COP1: variants seen among roughly 807,000 people sequenced by gnomAD.
COP1 encodes COP1 E3 ubiquitin ligase.
COP1 carries 24 observed loss-of-function variants against 101.3 expected under a neutral mutation model. The observed-to-expected ratio is 0.24, with a 90% confidence interval of 0.17 to 0.33. The LOEUF (loss-of-function observed/expected upper bound fraction) is 0.33. Ranked by LOEUF, COP1 falls within the 10% of genes least tolerant of loss-of-function variation. The probability of loss-of-function intolerance (pLI) is 1.00; values close to 1 mark genes in which losing one functional copy is unlikely to be tolerated. For missense variants in COP1, 663 were observed against 906.2 expected, an observed-to-expected ratio of 0.73 and a Z score of 3.45; for synonymous variants, 347 against 341.9, an observed-to-expected ratio of 1.01 and a Z score of -0.17.
chr1:175,951,433 C>T (rs1436119666), intron 18 of COP1, among the ~76,000 whole-genome samples: 3 of 46,544 alleles, frequency 6.4e-5, no homozygotes, highest in Non-Finnish European at 4.0e-5. Flanking sequence ...ATATAAGATA[C>T]GTGAATATAT....
chr1:176,168,692 G>A (rs1298676303), intron 3 of COP1: 2 of 322,274 alleles, frequency 6.2e-6, no homozygotes, highest in South Asian at 4.7e-5. Flanking sequence ...GATCAGGAGA[G>A]GGAAAGAGAG....
intron 9 of COP1, among the ~76,000 whole-genome samples, chr1:176,109,374 T>C (rs1684892417): frequency 6.6e-6 from 1 of 152,176 alleles, no homozygotes; most frequent in Non-Finnish European, 1.5e-5. Context: ...CCCAACACCA[T>C]GCATTTAATC....
intron 18 of COP1, among the ~76,000 whole-genome samples, chr1:175,974,922 C>CAAAAAAAAAAAAAAAAAAAACAAAAAAA (rs1654147349): frequency 1.1e-5 from 1 of 91,292 alleles, no homozygotes; most frequent in Non-Finnish European, 2.2e-5. Context: ...GACCCTGTCT[C>CAAAAAAAAAAAAAAAAAAAACAAAAAAA]AAAAAAAAAA....
intron 8 of COP1, among the ~76,000 whole-genome samples, chr1:176,123,765 T>C (rs1489714726): frequency 6.6e-6 from 1 of 152,182 alleles, no homozygotes. Context: ...AGTTATAAAA[T>C]GTTTGTGTTG....
At chr1:176,038,368 A>G (rs537374085) in intron 14 of COP1, among the ~76,000 whole-genome samples, 2 of 152,338 alleles carry the variant, frequency 1.3e-5, no homozygotes, top group East Asian at 3.9e-4. Context: ...TCTCAGCAGG[A>G]TTTTATGTAG....
rs373114048 is a variant in COP1, at chr1:175,973,707, G to GA, written c.2133+13235dup. Among the ~76,000 whole-genome samples, 4 of 152,200 alleles carry GA rather than the reference G, an allele frequency of 2.6e-5. No homozygotes were observed. The South Asian group carries it at 6.2e-4, about 24-fold the overall frequency. ...TGTGATATACATAATTTCTACAATG[G>GA]AAAAAAGTAAGTCTAGATCAATCTA... On this transcript the variant is annotated intron_variant, in intron 18 of 19. Coordinates refer to ENST00000367669, the MANE Select transcript of COP1 (RefSeq NM_022457.7).
chr1:176,088,924 G>A (rs1490347477), intron 9 of COP1, among the ~76,000 whole-genome samples: 1 of 150,508 alleles, frequency 6.6e-6, no homozygotes, highest in South Asian at 2.1e-4. Flanking sequence ...GAACCCAGGA[G>A]GCAGAGGCTG....
intron 19 of COP1, among the ~76,000 whole-genome samples, chr1:175,946,722 C>A (rs1326105112): frequency 1.3e-5 from 2 of 152,142 alleles, no homozygotes; most frequent in Admixed American, 1.3e-4. Context: ...CCTTTGACAA[C>A]TGAGGAAAAA....
At position 176,181,798 on chromosome 1, in the gene COP1, G is replaced by A. The variant is rs565052217; in HGVS notation, c.467+2835C>T. On this transcript the variant is annotated intron_variant, in intron 2 of 19. Transcript: ENST00000367669. The stretch of plus-strand genomic sequence containing the variant: ...GTGGAGGTTGCAGTGAGCGGAGATC[G>A]AGCCACTGCACTCCAGCCTGGTGAC... 7.3e-5 allele frequency among the ~76,000 whole-genome samples: 11 copies of A among 151,550 alleles called. No individual in the cohort carries two copies. The South Asian group carries it at 1.5e-3, about 20-fold the overall frequency.
chr1:175,991,141 A>C (rs1658336595), intron 15 of COP1, among the ~76,000 whole-genome samples: 1 of 152,092 alleles, frequency 6.6e-6, no homozygotes. Context: ...TTAACAATGG[A>C]GATACATTCT....
Position 176,129,337 on chromosome 1 carries a change from T to C in COP1, c.968+5673A>G, listed in dbSNP as rs147163211. Among the ~76,000 whole-genome samples, 400 of 151,968 alleles carry C rather than the reference T, an allele frequency of 2.6e-3. 3 individuals are homozygous for C. Among genetic ancestry groups the C allele is most frequent in the African/African-American group, 9.1e-3 (380 of 41,540 alleles). On this transcript the variant is annotated intron_variant, in intron 8 of 19. Coordinates refer to ENST00000367669, the MANE Select transcript of COP1 (RefSeq NM_022457.7). Reference sequence around the variant, plus strand: ...AGAGTAAATAAAATCAAAAGTGTCATATAAAAGTCTTACCTATATATTTTA... The same window carrying C: ...AGAGTAAATAAAATCAAAAGTGTCACATAAAAGTCTTACCTATATATTTTA...
chr1:176,189,778 A>C (rs1698913189), intron 1 of COP1, among the ~76,000 whole-genome samples: 1 of 151,532 alleles, frequency 6.6e-6, no homozygotes, highest in Non-Finnish European at 1.5e-5. Context: ...CAATGAAAGC[A>C]AGCCAGAAAA....
chr1:176,038,851 C>G (rs1353517393), intron 14 of COP1, among the ~76,000 whole-genome samples: 1 of 150,526 alleles, frequency 6.6e-6, no homozygotes, highest in Non-Finnish European at 1.5e-5. Context: ...AAGATAGATA[C>G]ACAGATCAAT....
intron 18 of COP1, among the ~76,000 whole-genome samples, chr1:175,950,214 T>TAAAA (rs55821760): frequency 1.2e-4 from 17 of 145,050 alleles, no homozygotes; most frequent in African/African-American, 3.5e-4. Flanking sequence ...CTTTATGTGT[T>TAAAA]AAAAAAAAAA....
chr1:176,029,355 C>A lies in COP1; in HGVS notation c.1613-1667G>T, dbSNP rs142022299. On this transcript the variant is annotated intron_variant, in intron 14 of 19. Transcript: ENST00000367669. ...ATTAGGGAGAGCAAAGCTGACTAAG[C>A]AAAATAGGTCTGATTTGAAAGCAGA... Among the ~76,000 whole-genome samples the A allele has an allele frequency of 2.6e-3, 399 of 152,092 alleles. 3 individuals carry two copies. The highest frequency in any genetic ancestry group is 9.2e-3 in the African/African-American group (381 of 41,468).
At chr1:176,097,868 C>CAAAAAAA (rs35822200) in intron 9 of COP1, among the ~76,000 whole-genome samples, 1 of 79,356 alleles carries the variant, frequency 1.3e-5, no homozygotes, top group Non-Finnish European at 2.3e-5. Context: ...AACTCCATCT[C>CAAAAAAA]AAAAAAAAAA....
chr1:176,027,560 T>G lies in COP1; in HGVS notation c.1729+12A>C, dbSNP rs770378399. On this transcript the variant is annotated intron_variant, in intron 15 of 19. Coordinates refer to ENST00000367669, the MANE Select transcript of COP1 (RefSeq NM_022457.7). ...AACATCAAAGGAAGACAAATCTGCTTTCATTTCTTACCTGCACAGCCGAAA... is the reference window on the plus strand; with the variant it reads ...AACATCAAAGGAAGACAAATCTGCTGTCATTTCTTACCTGCACAGCCGAAA... 2.6e-6 allele frequency: 4 copies of G among 1,521,340 alleles called. No homozygotes were observed. The South Asian group carries it at 4.5e-5, about 17-fold the overall frequency. The allele number at this position is 1,521,340 out of a possible 1,614,324, so 94.2% of individuals were successfully genotyped here.
chr1:176,172,824 G>C (rs543824245), intron 3 of COP1, among the ~76,000 whole-genome samples: 1 of 152,284 alleles, frequency 6.6e-6, no homozygotes, highest in East Asian at 1.9e-4. Flanking sequence ...GCCAACAGGA[G>C]ACAGTCTCTA....
intron 9 of COP1, among the ~76,000 whole-genome samples, chr1:176,103,261 A>G (rs1454458038): frequency 6.6e-6 from 1 of 152,202 alleles, no homozygotes; most frequent in Non-Finnish European, 1.5e-5. Flanking sequence ...TTAGGGTGAG[A>G]CACCCACAAA....
Sources: gnomAD v4.1 joint callset for allele counts (sites outside exome capture counted in the v4.1 genomes callset) on GRCh38, gnomAD v4.1.1 for gene constraint, MANE v1.5 for transcripts, NCBI Gene and HGNC (gene_info 2026-07-23, HGNC 2026-07-21) for gene names.